The following CEP85L variants were observed in gnomAD, a reference collection of about 807,000 sequenced individuals.
CEP85L encodes the protein centrosomal protein of 85 kDa-like.
A neutral mutation model predicts 100.3 loss-of-function variants in CEP85L; 60 were observed. The observed-to-expected ratio is 0.60, with a 90% confidence interval of 0.49 to 0.74. CEP85L has a LOEUF of 0.74. Ranked by LOEUF, CEP85L falls within the 30% of genes least tolerant of loss-of-function variation. The pLI is 0.00. For missense variants in CEP85L, 973 were observed against 936.2 expected (o/e 1.04, Z -0.51); for synonymous variants, 319 against 322.7 (o/e 0.99, Z 0.12).
intron 7 of CEP85L, 91 bp downstream of exon 7, chr6:118,483,615 A>C: frequency 8.5e-7 from 1 of 1,175,128 alleles, no homozygotes; most frequent in Non-Finnish European, 1.2e-6. Context: ...GCAATTAAAC[A>C]CATAGATTTA....
intron 5 of CEP85L, chr6:118,501,972 TG>T: frequency 1.2e-6 from 1 of 864,104 alleles, no homozygotes; most frequent in South Asian, 1.5e-5. Context: ...TGAAGGAATC[TG>T]GAGGAAAACT....
intron 1 of CEP85L, among the ~76,000 whole-genome samples, chr6:118,672,404 A>C (rs1170675782): frequency 6.6e-6 from 1 of 152,138 alleles, no homozygotes; most frequent in Non-Finnish European, 1.5e-5. Flanking sequence ...AATATTGACT[A>C]TGTACTCAGA....
chr6:118,689,163 T>G (rs1344468163), intron 1 of CEP85L, among the ~76,000 whole-genome samples: 2 of 152,192 alleles, frequency 1.3e-5, no homozygotes, highest in African/African-American at 4.8e-5. Context: ...CAGCCAAGTC[T>G]TTGTCTCAAC....
At chr6:118,535,550 AT>A (rs1777542484) in intron 3 of CEP85L, among the ~76,000 whole-genome samples, 1 of 152,194 alleles carries the variant, frequency 6.6e-6, no homozygotes, top group African/African-American at 2.4e-5. Context: ...AATAAAGAAA[AT>A]TCACAAATTA....
intron 3 of CEP85L, among the ~76,000 whole-genome samples, chr6:118,539,855 T>C (rs1000288001): frequency 6.1e-4 from 93 of 152,314 alleles, no homozygotes; most frequent in African/African-American, 2.1e-3. Flanking sequence ...ACCATTTACA[T>C]ATTACTTTTT....
intron 1 of CEP85L, among the ~76,000 whole-genome samples, chr6:118,708,586 T>G (rs1777675874): frequency 6.6e-6 from 1 of 152,214 alleles, no homozygotes; most frequent in African/African-American, 2.4e-5. Flanking sequence ...TATTATTAAA[T>G]GGTAGCCAAA....
intron 10 of CEP85L, among the ~76,000 whole-genome samples, chr6:118,471,767 G>GAA (rs144782109): frequency 4.6e-4 from 63 of 136,584 alleles, no homozygotes; most frequent in Admixed American, 9.5e-4. Context: ...CCACAAAAAT[G>GAA]AAAAAAAAAA....
chr6:118,480,516 A>G lies in CEP85L; in HGVS notation c.1746-3T>C. ...ATCTTTCTACTTTTTGTTGCAAACT[A>G]TTTCAAAAGACAATTATATGAAGAA... is the stretch of plus-strand genomic sequence containing the variant. On this transcript the variant is annotated splice_region_variant and splice_polypyrimidine_tract_variant and intron_variant, in intron 8 of 12. Coordinates refer to ENST00000368491, the MANE Select transcript of CEP85L (RefSeq NM_001042475.3). The G allele has an allele frequency of 1.3e-6, 2 of 1,559,914 alleles. No homozygotes were observed. Among genetic ancestry groups the G allele is most frequent in the Non-Finnish European group, 1.8e-6 (2 of 1,134,412 alleles).
chr6:118,666,764 T>TA (rs55786851), intron 1 of CEP85L, among the ~76,000 whole-genome samples: 22,694 of 144,496 alleles, frequency 0.16, 1,826 homozygotes, highest in Non-Finnish European at 0.19. Context: ...GGGATTAAGT[T>TA]AAAAAAAAAA....
At chr6:118,581,842 A>G (rs781250738) in intron 2 of CEP85L, among the ~76,000 whole-genome samples, 10 of 152,134 alleles carry the variant, frequency 6.6e-5, no homozygotes, top group Non-Finnish European at 1.3e-4. Context: ...ATTGCACAAG[A>G]GCATAGCCTT....
Position 118,651,459 on chromosome 6 carries a change from G to GC in CEP85L, c.-191dup, listed in dbSNP as rs1775556526. On this transcript the variant is annotated 5_prime_UTR_variant, in exon 1 of 13. An upstream open reading frame in the 5' UTR gains an earlier in-frame stop. Transcript: ENST00000368491. ...AGGGGCCAGATTCGCCGCACTGCCG[G>GC]CGCCTGCCATGGCCAAGCCGGCTGG... 2.4e-5 allele frequency: 32 copies of GC among 1,319,574 alleles called. No homozygotes were observed. In the South Asian group the frequency reaches 6.1e-4, roughly 25 times the overall value. 81.7% of individuals were successfully genotyped at this position (1,319,574 alleles called of 1,614,324 possible). A position where few individuals can be genotyped will look rare whatever the true frequency, so the allele number is the denominator to read the frequency against.
chr6:118,563,514 T>C (rs138812127), intron 3 of CEP85L, among the ~76,000 whole-genome samples: 1 of 152,228 alleles, frequency 6.6e-6, no homozygotes, highest in African/African-American at 2.4e-5. Context: ...TGTTTAGGAG[T>C]TGTGCTTGCA....
intron 2 of CEP85L, among the ~76,000 whole-genome samples, chr6:118,602,339 AAG>A (rs1303421145): frequency 3.0e-4 from 46 of 152,358 alleles, no homozygotes; most frequent in Non-Finnish European, 8.8e-5. Context: ...TATATTCCAC[AAG>A]AGTACAGCAA....
chr6:118,527,677 A>T (rs898759056), intron 3 of CEP85L, among the ~76,000 whole-genome samples: 4 of 152,188 alleles, frequency 2.6e-5, no homozygotes, highest in African/African-American at 9.6e-5. Flanking sequence ...TAAACAAAAG[A>T]GCATTATCAC....
intron 2 of CEP85L, chr6:118,589,698 G>T: frequency 3.6e-6 from 1 of 276,360 alleles, no homozygotes; most frequent in South Asian, 4.6e-5. Flanking sequence ...GACCTTCTAT[G>T]AACATGGGCA....
intron 2 of CEP85L, among the ~76,000 whole-genome samples, chr6:118,590,044 TACAC>T (rs58587419): frequency 9.2e-4 from 139 of 150,310 alleles, no homozygotes; most frequent in Non-Finnish European, 1.0e-3. Flanking sequence ...TCTCTGCATT[TACAC>T]ACACACACAC....
At chr6:118,472,939 C>T (rs897806142) in intron 10 of CEP85L, among the ~76,000 whole-genome samples, 2 of 152,080 alleles carry the variant, frequency 1.3e-5, no homozygotes, top group Admixed American at 1.3e-4. Context: ...CGTAAGTATC[C>T]AGAAATGCCC....
chr6:118,651,669 T>A (rs1775574549), upstream of CEP85L: 4 of 803,768 alleles, frequency 5.0e-6, no homozygotes, highest in Middle Eastern at 6.4e-4. Context: ...ACTTCAGGCG[T>A]GCGCGGCGCC....
chr6:118,587,984 C>A (rs752630224), intron 2 of CEP85L, among the ~76,000 whole-genome samples: 1 of 152,166 alleles, frequency 6.6e-6, no homozygotes, highest in Non-Finnish European at 1.5e-5. Flanking sequence ...TTCTTTGTGG[C>A]TCCTGGATAC....
Sources: gnomAD v4.1 joint callset for allele counts (sites outside exome capture counted in the v4.1 genomes callset) on GRCh38, gnomAD v4.1.1 for gene constraint, MANE v1.5 for transcripts, NCBI Gene and HGNC (gene_info 2026-07-23, HGNC 2026-07-21) for gene names.